SNX8: variants seen among roughly 807,000 people sequenced by gnomAD.
The protein encoded by SNX8 is sorting nexin-8.
Under a neutral mutation model 51.6 loss-of-function variants are expected in SNX8, and 25 were observed. That is an observed-to-expected ratio of 0.48 (90% CI 0.35 to 0.68). The LOEUF (loss-of-function observed/expected upper bound fraction) is 0.68. Ranked by LOEUF, SNX8 falls within the 30% of genes least tolerant of loss-of-function variation. The pLI is 0.00. For missense variants in SNX8, 695 were observed against 624.0 expected (o/e 1.11, Z -1.21); for synonymous variants, 324 against 277.0 (o/e 1.17, Z -1.68).
chr7:2,342,687 T>C (rs1388083301), intron 1 of SNX8, among the ~76,000 whole-genome samples: 1 of 151,140 alleles, frequency 6.6e-6, no homozygotes, highest in Non-Finnish European at 1.5e-5. Flanking sequence ...TTACAGTGCA[T>C]GACAAAAGTA....
chr7:2,257,809 A>G lies in SNX8; in HGVS notation c.916-6T>C. 1 of 1,613,802 alleles carries G rather than the reference A, an allele frequency of 6.2e-7. No individual in the cohort carries two copies. The highest frequency in any genetic ancestry group is 8.5e-7 in the Non-Finnish European group (1 of 1,179,894). On this transcript the variant is annotated splice_region_variant and splice_polypyrimidine_tract_variant and intron_variant, in intron 7 of 10. Transcript: ENST00000222990. ...TCGTTCTCTTCCTGCTTACCCTGGA[A>G]GGCGAGGGGGAGCTCACCCACGCGG...
At chr7:2,350,721 A>C (rs1276196382) in intron 1 of SNX8, among the ~76,000 whole-genome samples, 2 of 151,960 alleles carry the variant, frequency 1.3e-5, no homozygotes, top group African/African-American at 2.4e-5. Context: ...ACCTCGGCTC[A>C]CTGCAGCCTC....
intron 1 of SNX8, among the ~76,000 whole-genome samples, chr7:2,286,779 G>C (rs1053090545): frequency 1.3e-5 from 2 of 151,878 alleles, no homozygotes; most frequent in Non-Finnish European, 2.9e-5. Context: ...GCCTCCCAAA[G>C]TGCTGGGATT....
intron 1 of SNX8, among the ~76,000 whole-genome samples, chr7:2,289,372 G>C (rs1411232144): frequency 1.3e-5 from 2 of 152,138 alleles, no homozygotes; most frequent in Non-Finnish European, 2.9e-5. Context: ...TGTTCAGCTT[G>C]GTAAATATTT....
intron 1 of SNX8, among the ~76,000 whole-genome samples, chr7:2,345,187 AAAC>A (rs1583127893): frequency 6.6e-6 from 1 of 152,212 alleles, no homozygotes; most frequent in Non-Finnish European, 1.5e-5. Flanking sequence ...AAAAAAACCA[AAAC>A]AACCTACTTT....
chr7:2,314,187 G>C, intron 1 of SNX8, 141 bp downstream of exon 1: 1 of 905,028 alleles, frequency 1.1e-6, no homozygotes, highest in Non-Finnish European at 1.4e-6. Context: ...ACCTCCGAGG[G>C]ACTGGGGCGT....
At chr7:2,273,334 C>G (rs1177344701) in intron 3 of SNX8, among the ~76,000 whole-genome samples, 3 of 151,844 alleles carry the variant, frequency 2.0e-5, no homozygotes, top group Non-Finnish European at 4.4e-5. Flanking sequence ...CCTGTAATCC[C>G]AGCACTTTGG....
chr7:2,326,567 G>A (rs1778625869), intron 1 of SNX8, among the ~76,000 whole-genome samples: 1 of 151,996 alleles, frequency 6.6e-6, no homozygotes, highest in Non-Finnish European at 1.5e-5. Context: ...TCGGGAGGCT[G>A]AGGCAGGAGA....
At chr7:2,352,521 T>C (rs1392496634) in intron 1 of SNX8, among the ~76,000 whole-genome samples, 2 of 152,110 alleles carry the variant, frequency 1.3e-5, no homozygotes, top group African/African-American at 4.8e-5. Flanking sequence ...TGTGCCCTAT[T>C]GTAAGCATGC....
chr7:2,328,975 A>T (rs1778678935), intron 1 of SNX8, among the ~76,000 whole-genome samples: 1 of 151,916 alleles, frequency 6.6e-6, no homozygotes, highest in African/African-American at 2.4e-5. Context: ...AGTCCCAGCT[A>T]TTCGGGAGGC....
At chr7:2,267,778 C>G (rs961407431) in intron 5 of SNX8, among the ~76,000 whole-genome samples, 2 of 128,714 alleles carry the variant, frequency 1.6e-5, no homozygotes, top group Admixed American at 1.5e-4. Flanking sequence ...CGCCCATCGT[C>G]TGGGATGTGA....
At chr7:2,298,171 C>G (rs998129040) in intron 1 of SNX8, among the ~76,000 whole-genome samples, 1 of 151,976 alleles carries the variant, frequency 6.6e-6, no homozygotes, top group Non-Finnish European at 1.5e-5. Context: ...TACAGTAGTG[C>G]GATCACAGCT....
At chr7:2,333,783 A>G (rs1346592806) in intron 1 of SNX8, among the ~76,000 whole-genome samples, 4 of 152,148 alleles carry the variant, frequency 2.6e-5, no homozygotes, top group Non-Finnish European at 5.9e-5. Context: ...AAAAAAATGA[A>G]CCTCAATTCT....
chr7:2,294,623 T>C (rs1796230838), intron 1 of SNX8, among the ~76,000 whole-genome samples: 1 of 152,156 alleles, frequency 6.6e-6, no homozygotes, highest in Non-Finnish European at 1.5e-5. Flanking sequence ...CTAGGCTCCC[T>C]CCCTGGTGGC....
chr7:2,302,705 T>C (rs1227053986), intron 1 of SNX8, among the ~76,000 whole-genome samples: 1 of 141,272 alleles, frequency 7.1e-6, no homozygotes, highest in Non-Finnish European at 1.5e-5. Flanking sequence ...AGGAGTGTCT[T>C]TGCCCGGCCG....
exon 1 of SNX8, chr7:2,354,262 G>C (rs565543362): frequency 2.6e-5 from 4 of 152,378 alleles, no homozygotes; most frequent in Admixed American, 2.6e-4. Flanking sequence ...CTAGTCGTGT[G>C]GGCCCTCTCT....
chr7:2,300,796 C>A (rs540793689), intron 1 of SNX8, among the ~76,000 whole-genome samples: 88 of 152,108 alleles, frequency 5.8e-4, no homozygotes, highest in Non-Finnish European at 1.0e-3. Context: ...GCGCATGCCA[C>A]CACGCCCAGC....
At chr7:2,290,714 A>C (rs774433564) in intron 1 of SNX8, among the ~76,000 whole-genome samples, 9 of 152,328 alleles carry the variant, frequency 5.9e-5, no homozygotes, top group Non-Finnish European at 1.3e-4. Context: ...ACCGCGCCTC[A>C]GTCAGCCACA....
At chr7:2,340,752 G>C (rs1446581029) in intron 1 of SNX8, among the ~76,000 whole-genome samples, 1 of 149,132 alleles carries the variant, frequency 6.7e-6, no homozygotes, top group African/African-American at 2.5e-5. Context: ...AGCTACTCAG[G>C]AGGCTGTAGC....
Sources: allele counts gnomAD v4.1 joint callset (sites outside exome capture counted in the v4.1 genomes callset), GRCh38; gene constraint gnomAD v4.1.1; transcripts MANE v1.5; gene names NCBI Gene and HGNC (gene_info 2026-07-23, HGNC 2026-07-21).